Variants in SPTB observed in about 807,000 individuals in gnomAD.
SPTB encodes the protein spectrin beta chain, erythrocytic.
A neutral mutation model predicts 256.2 loss-of-function variants in SPTB; 45 were observed. That is an observed-to-expected ratio of 0.18 (90% CI 0.14 to 0.23). SPTB has a LOEUF of 0.23. Among genes scored for constraint, SPTB ranks in the 10% least tolerant of loss-of-function variants. The pLI is 1.00. For missense variants in SPTB, 2,715 were observed against 3,040.4 expected (o/e 0.89, Z 2.52); for synonymous variants, 1,231 against 1,243.1 (o/e 0.99, Z 0.21).
intron 20 of SPTB, among the ~76,000 whole-genome samples, chr14:64,781,577 A>T (rs1186659594): frequency 6.6e-6 from 1 of 152,236 alleles, no homozygotes; most frequent in African/African-American, 2.4e-5. Context: ...AGACGCTGGC[A>T]AGGTTGCAGA....
chr14:64,769,203 G>A, intron 28 of SPTB, 85 bp from the exon 29 acceptor site: 1 of 1,307,904 alleles, frequency 7.6e-7, no homozygotes, highest in Admixed American at 1.7e-5. Flanking sequence ...TGCAAAGAAT[G>A]CCAGGTTTGG....
At chr14:64,754,901 G>A (rs1300344195) in intron 32 of SPTB, 1 of 152,594 alleles carries the variant, frequency 6.6e-6, no homozygotes, top group Non-Finnish European at 1.5e-5. Context: ...GGGCAAGAAT[G>A]GGTGGGTCTC....
At chr14:64,809,505 C>A (rs576323223) in intron 2 of SPTB, among the ~76,000 whole-genome samples, 1 of 151,700 alleles carries the variant, frequency 6.6e-6, no homozygotes, top group Non-Finnish European at 1.5e-5. Flanking sequence ...ACCACCATAC[C>A]CAGCTAATTT....
In SPTB at chr14:64,852,066, T is replaced by C. The variant is rs1449459929; in HGVS notation, c.-52+27726A>G. On this transcript the variant is annotated intron_variant, in intron 1 of 35. Transcript: ENST00000644917. The surrounding 1 kb of genome is among the most constrained non-coding windows in gnomAD (Gnocchi z 4.2). ...AAGCCCCCAGTAGCTTGCAGTTGAG[T>C]ATTTGAAAAGTTGTAAAAACAGGCT... Among the ~76,000 whole-genome samples, 1 of 151,816 alleles carries C rather than the reference T, an allele frequency of 6.6e-6. No individual in the cohort carries two copies. The highest frequency in any genetic ancestry group is 1.5e-5 in the Non-Finnish European group (1 of 67,972).
At position 64,813,955 on chromosome 14, in the gene SPTB, C is replaced by T. The variant is rs149580942; in HGVS notation, c.149-8865G>A. Among the ~76,000 whole-genome samples the T allele has an allele frequency of 3.9e-5, 6 of 152,320 alleles. No individual in the cohort carries two copies. In the East Asian group the frequency reaches 1.2e-3, roughly 29 times the overall value. On this transcript the variant is annotated intron_variant, in intron 2 of 35. Transcript: ENST00000644917. ...ATAAATGATGATGGCACAAATTCTA[C>T]GGTTTCTGTTTAACCAGTTAGGGAA...
chr14:64,761,052 C>T (rs229571), intron 32 of SPTB, among the ~76,000 whole-genome samples: 7 of 152,046 alleles, frequency 4.6e-5, no homozygotes, highest in East Asian at 1.9e-4. Context: ...AGCTGGAAGA[C>T]GGGCTTGGGG....
chr14:64,851,484 T>C (rs1043702758), intron 1 of SPTB, among the ~76,000 whole-genome samples: 21 of 152,142 alleles, frequency 1.4e-4, no homozygotes, highest in Non-Finnish European at 2.4e-4. Flanking sequence ...GTAGTAGCAG[T>C]AGCAGCAGCA....
chr14:64,872,823 T>C (rs1469305780), intron 1 of SPTB, among the ~76,000 whole-genome samples: 3 of 152,188 alleles, frequency 2.0e-5, no homozygotes, highest in East Asian at 1.9e-4. Flanking sequence ...CTCATGAGAT[T>C]TGATGGTTTT....
At chr14:64,872,141 C>T (rs1231140462) in intron 1 of SPTB, among the ~76,000 whole-genome samples, 1 of 152,020 alleles carries the variant, frequency 6.6e-6, no homozygotes, top group Non-Finnish European at 1.5e-5. Context: ...TCGACAAAAA[C>T]AGAAATTAAA....
chr14:64,821,656 C>G (rs75984771), intron 2 of SPTB, among the ~76,000 whole-genome samples: 1 of 152,106 alleles, frequency 6.6e-6, no homozygotes, highest in Admixed American at 6.5e-5. Flanking sequence ...ATGGTCCGTC[C>G]CCAAGGGAAA....
At chr14:64,865,579 G>T (rs2139811806) in intron 1 of SPTB, among the ~76,000 whole-genome samples, 1 of 152,238 alleles carries the variant, frequency 6.6e-6, no homozygotes, top group Non-Finnish European at 1.5e-5. Flanking sequence ...GCTGCCATTG[G>T]AGTTGCTACA....
chr14:64,767,731 GC>G lies in SPTB; in HGVS notation c.6150del (p.Arg2050SerfsTer27). 6.2e-7 allele frequency: 1 copy of G among 1,614,200 alleles called. No individual in the cohort carries two copies. The highest frequency in any genetic ancestry group is 8.5e-7 in the Non-Finnish European group (1 of 1,180,036). On this transcript the variant is annotated frameshift_variant, in exon 30 of 36. Coordinates refer to ENST00000644917, the MANE Select transcript of SPTB (RefSeq NM_001355436.2). LOFTEE classifies it high-confidence loss of function. ...GCCGTGGACTTCTCAAAAGCCTCAT[GC>G]CTCTTGATGAGCTTCTCCACACTGT... The part of the protein sequence containing the change: ...TVDSVEKLIK[R>X]HEAFEKSTAS...
chr14:64,865,141 C>T (rs968204116), intron 1 of SPTB, among the ~76,000 whole-genome samples: 1 of 152,084 alleles, frequency 6.6e-6, no homozygotes, highest in African/African-American at 2.4e-5. Flanking sequence ...TGACCCCCTT[C>T]ACATTTCAGT....
rs1207133550 is a variant in SPTB, at chr14:64,778,609, A to G, written c.4563+548T>C. Among the ~76,000 whole-genome samples, 2 of 152,196 alleles carry G rather than the reference A, an allele frequency of 1.3e-5. No homozygotes were observed. The highest frequency in any genetic ancestry group is 4.8e-5 in the African/African-American group (2 of 41,440). On this transcript the variant is annotated intron_variant, in intron 22 of 35. Coordinates refer to ENST00000644917, the MANE Select transcript of SPTB (RefSeq NM_001355436.2). The surrounding 1 kb of genome is among the most constrained non-coding windows in gnomAD (Gnocchi z 5.2). ...CCCAATCAGGGCTAAGCGAGTGCCA[A>G]AAAGCAGAGGGATGTTTGCTCCAAG... is the stretch of plus-strand genomic sequence containing the variant.
intron 6 of SPTB, 79 bp from the exon 7 acceptor site, chr14:64,801,479 A>G (rs780863119): frequency 1.8e-6 from 2 of 1,086,012 alleles, no homozygotes; most frequent in Admixed American, 3.5e-5. Context: ...TGAAGCAGAC[A>G]TTGTACAGAG....
rs2082285459 is a variant in SPTB at position 64,772,044 on chromosome 14, TG to T, written c.5553+535del. Among the ~76,000 whole-genome samples the T allele has an allele frequency of 6.6e-6, 1 of 152,134 alleles. No individual in the cohort carries two copies. ...GGGCAGGGGTCTGAACAGTAGAACT[TG>T]GGGGCTCTCCAGCTCCCATGTGGAA... On this transcript the variant is annotated intron_variant, in intron 26 of 35. Coordinates refer to ENST00000644917, the MANE Select transcript of SPTB (RefSeq NM_001355436.2). The surrounding 1 kb of genome is among the most constrained non-coding windows in gnomAD (Gnocchi z 5.4).
At chr14:64,762,102 A>T (rs2082104144) in intron 32 of SPTB, among the ~76,000 whole-genome samples, 1 of 152,134 alleles carries the variant, frequency 6.6e-6, no homozygotes, top group Non-Finnish European at 1.5e-5. Flanking sequence ...TTCTCCAGGG[A>T]GCCAGGCGCA....
rs569013649 is a variant in SPTB, at chr14:64,825,606, G to T, written c.-51-2461C>A. ...AGGGCTGAGCTGCCAGACGCAGGAG[G>T]TGAGGTGAGATCAGACCCTGAGTGC... On this transcript the variant is annotated intron_variant, in intron 1 of 35. Transcript: ENST00000644917. This position sits in a 1 kb window ranked among gnomAD's most constrained non-coding sequence, Gnocchi z 4.8. 2.0e-5 allele frequency among the ~76,000 whole-genome samples: 3 copies of T among 152,346 alleles called. No homozygotes were observed. Among genetic ancestry groups the T allele is most frequent in the Admixed American group, 1.3e-4 (2 of 15,308 alleles).
At chr14:64,838,236 C>T (rs1189432835) in intron 1 of SPTB, among the ~76,000 whole-genome samples, 1 of 152,088 alleles carries the variant, frequency 6.6e-6, no homozygotes, top group Admixed American at 6.6e-5. Context: ...TTGACCCATA[C>T]CACATACCAT....
Sources: allele counts gnomAD v4.1 joint callset (sites outside exome capture counted in the v4.1 genomes callset), GRCh38; gene constraint gnomAD v4.1.1; non-coding constraint Gnocchi (gnomAD v3.1); transcripts MANE v1.5; gene names NCBI Gene and HGNC (gene_info 2026-07-23, HGNC 2026-07-21).